The following USH2A variants were observed in gnomAD, a reference collection of about 807,000 sequenced individuals.
USH2A encodes the protein usherin, also known as Usher syndrome 2A (autosomal recessive, mild).
In USH2A, 443 loss-of-function variants were observed where a neutral mutation model predicts 538.9. The ratio of observed to expected loss-of-function variants is 0.82; its 90% confidence interval spans 0.76 to 0.89. The LOEUF (loss-of-function observed/expected upper bound fraction) is 0.89. Among genes scored for constraint, USH2A ranks in the 40% least tolerant of loss-of-function variants. The probability of loss-of-function intolerance (pLI) is 0.00; values close to 1 mark genes in which losing one functional copy is unlikely to be tolerated. For missense variants in USH2A, 6,633 were observed against 6,324.8 expected (o/e 1.05, Z -1.65); for synonymous variants, 2,413 against 2,273.5 (o/e 1.06, Z -1.75).
chr1:215,812,847 T>A (rs1662734867), intron 49 of USH2A, among the ~76,000 whole-genome samples: 1 of 152,252 alleles, frequency 6.6e-6, no homozygotes, highest in South Asian at 2.1e-4. Flanking sequence ...AGGTTGATGC[T>A]TTTTGGTTAA....
intron 21 of USH2A, among the ~76,000 whole-genome samples, chr1:216,129,196 T>C (rs904228795): frequency 6.6e-6 from 1 of 152,154 alleles, no homozygotes; most frequent in African/African-American, 2.4e-5. Context: ...CTATTATGAC[T>C]AGTGTTGAAA....
rs1655842707 is a variant in USH2A, at chr1:215,622,981, C to CATA, written c.*2797_*2799dup. 1.3e-5 allele frequency: 2 copies of CATA among 151,336 alleles called. No individual in the cohort carries two copies. Among genetic ancestry groups the CATA allele is most frequent in the Admixed American group, 1.3e-4 (2 of 15,224 alleles). The allele number at this position is 151,336 out of a possible 1,614,324, so 9.4% of individuals were successfully genotyped here. ...TTGGAAACCAACTATTCATTTGTGA[C>CATA]ATAATTAAAAGTTCCTTATTAATGA... On this transcript the variant is annotated 3_prime_UTR_variant, in exon 72 of 72. Transcript: ENST00000307340.
intron 40 of USH2A, among the ~76,000 whole-genome samples, chr1:215,891,878 GTTT>G (rs1665218577): frequency 6.6e-6 from 1 of 152,118 alleles, no homozygotes; most frequent in African/African-American, 2.4e-5. Context: ...GGGTGTAATT[GTTT>G]AGAGAACTCC....
intron 19 of USH2A, chr1:216,194,235 G>A (rs1183372244): frequency 6.6e-6 from 1 of 152,128 alleles, no homozygotes; most frequent in Non-Finnish European, 1.5e-5. Flanking sequence ...AGCAGGTAGA[G>A]TACTAACAGT....
chr1:215,658,020 G>A (rs778074423), intron 64 of USH2A, among the ~76,000 whole-genome samples: 5 of 145,760 alleles, frequency 3.4e-5, no homozygotes, highest in Admixed American at 7.1e-5. Context: ...TGCAAGCTCC[G>A]CCTCCCAGGT....
chr1:215,932,239 A>G (rs996227061), intron 38 of USH2A, among the ~76,000 whole-genome samples: 3 of 152,008 alleles, frequency 2.0e-5, no homozygotes, highest in African/African-American at 7.2e-5. Flanking sequence ...TAAATAGCAT[A>G]TAGAACCTTC....
intron 5 of USH2A, among the ~76,000 whole-genome samples, chr1:216,326,405 C>T (rs1037994322): frequency 1.3e-5 from 2 of 152,140 alleles, no homozygotes; most frequent in Non-Finnish European, 2.9e-5. Flanking sequence ...GCAGCTTTTC[C>T]ATTCATTAAA....
chr1:215,961,342 C>T (rs1284890536), intron 37 of USH2A, among the ~76,000 whole-genome samples: 1 of 151,276 alleles, frequency 6.6e-6, no homozygotes, highest in Non-Finnish European at 1.5e-5. Flanking sequence ...CAGAAATATG[C>T]AAGATCTATA....
intron 16 of USH2A, among the ~76,000 whole-genome samples, chr1:216,205,118 C>T (rs1334667326): frequency 6.6e-6 from 1 of 152,084 alleles, no homozygotes; most frequent in African/African-American, 2.4e-5. Flanking sequence ...TGAATAATAT[C>T]ATTGATAGTT....
chr1:215,924,910 GC>G (rs1666198756), intron 38 of USH2A, among the ~76,000 whole-genome samples: 1 of 152,002 alleles, frequency 6.6e-6, no homozygotes, highest in Non-Finnish European at 1.5e-5. Flanking sequence ...GCAGCCCTTT[GC>G]TGGAGGCTTG....
intron 60 of USH2A, among the ~76,000 whole-genome samples, chr1:215,740,702 T>A (rs1399016493): frequency 6.6e-6 from 1 of 152,214 alleles, no homozygotes; most frequent in Non-Finnish European, 1.5e-5. Context: ...TCTTGGTCAG[T>A]GAGCTGCTTA....
chr1:216,162,444 T>G (rs540996300), intron 21 of USH2A, among the ~76,000 whole-genome samples: 8 of 152,226 alleles, frequency 5.3e-5, no homozygotes, highest in African/African-American at 1.9e-4. Context: ...TGAAGTTATT[T>G]TGAAGTCTTT....
intron 57 of USH2A, among the ~76,000 whole-genome samples, chr1:215,759,193 T>C (rs1297597779): frequency 6.6e-6 from 1 of 152,208 alleles, no homozygotes; most frequent in Non-Finnish European, 1.5e-5. Context: ...AGATATGTTT[T>C]TGTCTCTGCT....
At chr1:215,643,028 C>T (rs2102638275) in intron 67 of USH2A, among the ~76,000 whole-genome samples, 1 of 152,330 alleles carries the variant, frequency 6.6e-6, no homozygotes, top group East Asian at 1.9e-4. Flanking sequence ...TGGACTCTTG[C>T]TCTGTTGCCC....
At chr1:216,151,766 A>G (rs976520263) in intron 21 of USH2A, among the ~76,000 whole-genome samples, 2 of 152,200 alleles carry the variant, frequency 1.3e-5, no homozygotes, top group African/African-American at 2.4e-5. Context: ...GTGTATGACA[A>G]CATAAAAAAA....
At chr1:216,147,585 C>A (rs1353381755) in intron 21 of USH2A, among the ~76,000 whole-genome samples, 1 of 151,706 alleles carries the variant, frequency 6.6e-6, no homozygotes, top group African/African-American at 2.4e-5. Flanking sequence ...ATTTTATTAC[C>A]CAATCTGCTC....
Position 216,323,577 on chromosome 1 carries a change from T to C in USH2A, c.1447A>G (p.Thr483Ala). 2 of 1,613,646 alleles carry C rather than the reference T, an allele frequency of 1.2e-6. No individual in the cohort carries two copies. The highest frequency in any genetic ancestry group is 3.3e-5 in the Admixed American group (2 of 59,952). Residue 483 changes from threonine to alanine, a missense_variant, in exon 8 of 72, where the codon ACG (threonine) becomes GCG (alanine). Thr to Ala is a moderately conservative substitution (Grantham distance 58). Coordinates refer to ENST00000307340, the MANE Select transcript of USH2A (RefSeq NM_206933.4). Reference protein sequence around the residue: ...TPSLQEFVKATQIRFHFHGQY... With the variant: ...TPSLQEFVKAAQIRFHFHGQY... ...CCATGAAAATGAAACCTTATTTGCGTGGCTTTTACGAACTCTTGAAGAGAT... is the reference window on the plus strand; with the variant it reads ...CCATGAAAATGAAACCTTATTTGCGCGGCTTTTACGAACTCTTGAAGAGAT...
chr1:215,627,426 TTCCTTCCTTCCTTCCTTCCTTCCTTCC>T (rs1656079609), intron 71 of USH2A, among the ~76,000 whole-genome samples: 3 of 124,182 alleles, frequency 2.4e-5, no homozygotes. Flanking sequence ...CCTTCCTTCC[TTCCTTCCTTCCTTCCTTCCTTCCTTCC>T]TTCCTTCCTT....
chr1:216,176,040 C>A (rs1475053763), intron 20 of USH2A, among the ~76,000 whole-genome samples: 1 of 152,188 alleles, frequency 6.6e-6, no homozygotes, highest in Non-Finnish European at 1.5e-5. Context: ...GTAATTTACA[C>A]AGGCAAAGCA....
Sources: gnomAD v4.1 joint callset for allele counts (sites outside exome capture counted in the v4.1 genomes callset) on GRCh38, gnomAD v4.1.1 for gene constraint, MANE v1.5 for transcripts, NCBI Gene and HGNC (gene_info 2026-07-23, HGNC 2026-07-21) for gene names.